Variants in WWOX observed in about 807,000 individuals in gnomAD.
WWOX encodes WW domain containing oxidoreductase.
In WWOX, 69 loss-of-function variants were observed where a neutral mutation model predicts 46.2. The observed-to-expected ratio is 1.49, with a 90% CI of 1.23 to 1.82. WWOX has a LOEUF of 1.82. WWOX is among the 40% of genes most tolerant of loss of function. WWOX has a pLI of 0.00. For synonymous variants in WWOX, 359 were observed against 202.6 expected, an observed-to-expected ratio of 1.77 and a Z score of -6.56; for missense variants, 919 against 542.6, an observed-to-expected ratio of 1.69 and a Z score of -6.89.
chr16:78,574,996 CA>C (rs2151578662), intron 8 of WWOX, among the ~76,000 whole-genome samples: 1 of 50,706 alleles, frequency 2.0e-5, no homozygotes, highest in South Asian at 6.9e-4. Context: ...ATTTATTTTT[CA>C]ATTATATATA....
At chr16:78,834,057 A>G (rs2051906368) in intron 8 of WWOX, among the ~76,000 whole-genome samples, 1 of 152,238 alleles carries the variant, frequency 6.6e-6, no homozygotes, top group Admixed American at 6.5e-5. Flanking sequence ...TCAAATCAGA[A>G]CACTGCTCAC....
chr16:79,116,279 C>G (rs1206575664), intron 8 of WWOX, among the ~76,000 whole-genome samples: 5 of 152,126 alleles, frequency 3.3e-5, no homozygotes, highest in African/African-American at 1.2e-4. Context: ...CATGGATTGA[C>G]TCTTCCTTTT....
chr16:79,061,473 G>C (rs1456263284), intron 8 of WWOX, among the ~76,000 whole-genome samples: 8 of 152,174 alleles, frequency 5.3e-5, no homozygotes, highest in Admixed American at 2.6e-4. Flanking sequence ...AAAGCATTCA[G>C]ATCTCTTGCA....
At chr16:78,629,813 T>C (rs1047343864) in intron 8 of WWOX, among the ~76,000 whole-genome samples, 2 of 152,196 alleles carry the variant, frequency 1.3e-5, no homozygotes, top group Non-Finnish European at 2.9e-5. Flanking sequence ...TCCAAAAAAG[T>C]GGATTTTTAG....
chr16:78,778,169 C>G (rs529669462), intron 8 of WWOX, among the ~76,000 whole-genome samples: 3 of 152,114 alleles, frequency 2.0e-5, no homozygotes, highest in African/African-American at 7.2e-5. Flanking sequence ...ACACAGTTAG[C>G]TTTATAGTTA....
chr16:78,126,539 A>G (rs867536176), intron 4 of WWOX, among the ~76,000 whole-genome samples: 5 of 152,116 alleles, frequency 3.3e-5, no homozygotes, highest in African/African-American at 1.2e-4. Context: ...ATCGATTACT[A>G]ATTGATTGCT....
intron 8 of WWOX, among the ~76,000 whole-genome samples, chr16:78,700,597 G>A (rs1218505939): frequency 6.6e-6 from 1 of 152,166 alleles, no homozygotes; most frequent in Non-Finnish European, 1.5e-5. Flanking sequence ...TCCAAGGAAG[G>A]GGCACTCAGC....
intron 8 of WWOX, among the ~76,000 whole-genome samples, chr16:79,071,763 A>G (rs2048555827): frequency 6.6e-6 from 1 of 152,186 alleles, no homozygotes; most frequent in Non-Finnish European, 1.5e-5. Context: ...TTGGCCTAAA[A>G]ATGAGTGGCT....
intron 8 of WWOX, among the ~76,000 whole-genome samples, chr16:78,862,090 G>T (rs980622019): frequency 6.6e-5 from 10 of 151,902 alleles, no homozygotes; most frequent in African/African-American, 2.4e-5. Flanking sequence ...ACACCTACGG[G>T]TGTGTCTGTA....
At chr16:78,950,337 A>T (rs1053633007) in intron 8 of WWOX, among the ~76,000 whole-genome samples, 1 of 152,068 alleles carries the variant, frequency 6.6e-6, no homozygotes, top group Non-Finnish European at 1.5e-5. Context: ...AGGAAAGGAG[A>T]AGTTGAGTAC....
intron 8 of WWOX, among the ~76,000 whole-genome samples, chr16:78,670,817 T>G (rs778155959): frequency 1.3e-5 from 2 of 151,160 alleles, no homozygotes; most frequent in Non-Finnish European, 2.9e-5. Flanking sequence ...TACCCAGAAA[T>G]AAGGTCTTTA....
chr16:79,076,310 G>C (rs1032634533), intron 8 of WWOX, among the ~76,000 whole-genome samples: 2 of 152,142 alleles, frequency 1.3e-5, no homozygotes, highest in Non-Finnish European at 2.9e-5. Flanking sequence ...TGGATGACTT[G>C]ATTTCTTACT....
chr16:79,061,663 G>T (rs1359486326), intron 8 of WWOX, among the ~76,000 whole-genome samples: 1 of 152,146 alleles, frequency 6.6e-6, no homozygotes, highest in African/African-American at 2.4e-5. Context: ...AGAATGGGAG[G>T]AAAGAAAAAG....
At chr16:78,670,891 C>A (rs1023401176) in intron 8 of WWOX, among the ~76,000 whole-genome samples, 1 of 151,900 alleles carries the variant, frequency 6.6e-6, no homozygotes, top group African/African-American at 2.4e-5. Context: ...GTGGGCCCTA[C>A]ATCCAATAAG....
chr16:78,833,490 G>A (rs1378331086), intron 8 of WWOX, among the ~76,000 whole-genome samples: 1 of 151,712 alleles, frequency 6.6e-6, no homozygotes, highest in Non-Finnish European at 1.5e-5. Flanking sequence ...CCTCTTCTGC[G>A]AGTTCAGAAA....
In WWOX at chr16:78,964,432, G is replaced by C. The variant is rs541429662; in HGVS notation, c.1057-247176G>C. ...GAGACTGGCAGCATTTTGCCCCTGC[G>C]CTAGAGATTTGTGGAACTTTGAACT... On this transcript the variant is annotated intron_variant, in intron 8 of 8. Coordinates refer to ENST00000566780, the MANE Select transcript of WWOX (RefSeq NM_016373.4). Among the ~76,000 whole-genome samples, 7 of 152,310 alleles carry C rather than the reference G, an allele frequency of 4.6e-5. No individual in the cohort carries two copies. The South Asian group carries it at 6.2e-4, about 14-fold the overall frequency.
intron 8 of WWOX, among the ~76,000 whole-genome samples, chr16:78,722,192 A>G (rs1033701851): frequency 3.9e-5 from 6 of 152,206 alleles, no homozygotes; most frequent in Non-Finnish European, 7.3e-5. Flanking sequence ...GAGGACACCA[A>G]GGCACGATGA....
intron 8 of WWOX, among the ~76,000 whole-genome samples, chr16:78,576,761 A>T (rs1190087934): frequency 6.6e-6 from 1 of 152,174 alleles, no homozygotes; most frequent in Non-Finnish European, 1.5e-5. Flanking sequence ...AGCCCAGAAG[A>T]TTCAGACTGC....
intron 8 of WWOX, among the ~76,000 whole-genome samples, chr16:78,592,649 G>C (rs530125243): frequency 6.6e-6 from 1 of 152,180 alleles, no homozygotes; most frequent in Admixed American, 6.5e-5. Flanking sequence ...GGCAGGCCTG[G>C]ATCAGAGCCT....
Sources: gnomAD v4.1 joint callset for allele counts (sites outside exome capture counted in the v4.1 genomes callset) on GRCh38, gnomAD v4.1.1 for gene constraint, MANE v1.5 for transcripts, NCBI Gene and HGNC (gene_info 2026-07-23, HGNC 2026-07-21) for gene names.